SEMA6D: variants seen among roughly 807,000 people sequenced by gnomAD.
SEMA6D encodes the protein semaphorin 6D.
In SEMA6D, 35 loss-of-function variants were observed where a neutral mutation model predicts 106.6. The ratio of observed to expected loss-of-function variants is 0.33; its 90% CI spans 0.25 to 0.44. SEMA6D has a LOEUF of 0.44. Ranked by LOEUF, SEMA6D falls within the 20% of genes least tolerant of loss-of-function variation. SEMA6D has a pLI of 1.00. For synonymous variants in SEMA6D, 499 were observed against 487.7 expected (o/e 1.02, Z -0.31); for missense variants, 1,185 against 1,345.9 (o/e 0.88, Z 1.87).
intron 1 of SEMA6D, among the ~76,000 whole-genome samples, chr15:47,323,341 G>A (rs994288116): frequency 7.2e-5 from 11 of 152,128 alleles, no homozygotes; most frequent in Middle Eastern, 3.2e-3. Flanking sequence ...CGTGAACACC[G>A]GAGAATGAGT....
chr15:47,604,524 C>G (rs2076734646), intron 4 of SEMA6D, among the ~76,000 whole-genome samples: 2 of 152,164 alleles, frequency 1.3e-5, no homozygotes, highest in Non-Finnish European at 2.9e-5. Context: ...CGTCTTGAAA[C>G]TTGAAACTTT....
intron 4 of SEMA6D, among the ~76,000 whole-genome samples, chr15:47,709,084 A>G (rs1190263310): frequency 6.6e-6 from 1 of 152,150 alleles, no homozygotes; most frequent in Non-Finnish European, 1.5e-5. Flanking sequence ...GGTTGAACCA[A>G]TGAAGAGCAC....
intron 2 of SEMA6D, among the ~76,000 whole-genome samples, chr15:47,435,787 C>T (rs2041682291): frequency 6.6e-6 from 1 of 151,906 alleles, no homozygotes; most frequent in South Asian, 2.1e-4. Context: ...CCACTAAGAC[C>T]CTATAGTCAT....
intron 4 of SEMA6D, among the ~76,000 whole-genome samples, chr15:47,635,345 G>A (rs1164329335): frequency 6.6e-6 from 1 of 152,176 alleles, no homozygotes; most frequent in Non-Finnish European, 1.5e-5. Flanking sequence ...CAACACAGAA[G>A]AATGTTGTCT....
intron 16 of SEMA6D, among the ~76,000 whole-genome samples, 153 bp from the exon 17 acceptor site, chr15:47,766,884 T>C (rs879647636): frequency 6.6e-5 from 10 of 152,120 alleles, no homozygotes; most frequent in Non-Finnish European, 1.0e-4. Flanking sequence ...TACAATTTTG[T>C]AGGAAATCTA....
intron 4 of SEMA6D, among the ~76,000 whole-genome samples, chr15:47,695,553 A>G (rs1299883850): frequency 6.6e-6 from 1 of 152,048 alleles, no homozygotes; most frequent in Admixed American, 6.6e-5. Flanking sequence ...CACAACACAC[A>G]CAAATTTATG....
At chr15:47,253,553 G>A (rs1292490193) in intron 1 of SEMA6D, among the ~76,000 whole-genome samples, 3 of 152,116 alleles carry the variant, frequency 2.0e-5, no homozygotes, top group Non-Finnish European at 4.4e-5. Flanking sequence ...AGAAATAAGG[G>A]TCTAGTTTCC....
At chr15:47,284,001 G>A (rs16959142) in intron 1 of SEMA6D, among the ~76,000 whole-genome samples, 2,606 of 151,970 alleles carry the variant, frequency 0.017, 47 homozygotes, top group African/African-American at 0.02. Context: ...TCCTTTTTCT[G>A]TCATCACCTC....
rs114457630 is a variant in SEMA6D, at chr15:47,404,519, C to T, written c.-238-7874C>T. Among the ~76,000 whole-genome samples the T allele has an allele frequency of 5.5e-3, 830 of 152,238 alleles. 5 individuals carry two copies. The highest frequency in any genetic ancestry group is 0.019 in the African/African-American group (798 of 41,540). ...CTGAGCTCTTTGTAGCACAGACCAC[C>T]ACCTCTCTCTAAGACCTTTAATGCT... On this transcript the variant is annotated intron_variant, in intron 1 of 19. Transcript: ENST00000558014.
At chr15:47,316,682 G>T (rs2036696795) in intron 1 of SEMA6D, among the ~76,000 whole-genome samples, 1 of 146,136 alleles carries the variant, frequency 6.8e-6, no homozygotes, top group African/African-American at 2.6e-5. Flanking sequence ...TATGGTCATT[G>T]ATTTCTTTTT....
In SEMA6D at chr15:47,768,596, C is replaced by T; in HGVS notation, c.1781C>T (p.Ser594Leu). ...GGPTSDMEVS[S>L]SSVTTMASIP... The stretch of plus-strand genomic sequence containing the variant: ...GCCACCACAGACATGGAGGTATCTT[C>T]ATCTTCTGTTACCACAATGGCAAGT... Residue 594 changes from serine (S) to leucine (L), a missense_variant, in exon 18 of 19, where the codon TCA becomes TTA. Coordinates refer to ENST00000536845, the MANE Select transcript of SEMA6D (RefSeq NM_001358351.3). 1 of 1,611,284 alleles carries T rather than the reference C, an allele frequency of 6.2e-7. No individual in the cohort carries two copies. Among genetic ancestry groups the T allele is most frequent in the Non-Finnish European group, 8.5e-7 (1 of 1,178,164 alleles).
chr15:47,380,250 T>A (rs1209347274), intron 1 of SEMA6D, among the ~76,000 whole-genome samples: 1 of 152,220 alleles, frequency 6.6e-6, no homozygotes, highest in East Asian at 1.9e-4. Flanking sequence ...ATTTTCAACA[T>A]AATGCCAGAA....
chr15:47,219,727 C>T (rs900035159), intron 1 of SEMA6D, among the ~76,000 whole-genome samples: 12 of 152,168 alleles, frequency 7.9e-5, no homozygotes, highest in Non-Finnish European at 1.0e-4. Context: ...TAACAAACCA[C>T]CCTCAAAAGC....
intron 4 of SEMA6D, among the ~76,000 whole-genome samples, chr15:47,629,206 G>A (rs2077253457): frequency 6.6e-6 from 1 of 151,968 alleles, no homozygotes. Context: ...GTTGGAGATG[G>A]TGACTCTTTC....
intron 1 of SEMA6D, among the ~76,000 whole-genome samples, chr15:47,335,618 G>A (rs950547948): frequency 7.2e-5 from 11 of 152,178 alleles, no homozygotes; most frequent in African/African-American, 2.4e-4. Flanking sequence ...TTCTACATGG[G>A]TGCCCCACAC....
At position 47,739,926 on chromosome 15, in the gene SEMA6D, G is replaced by A. The variant is rs560696993; in HGVS notation, c.-54-19819G>A. ...TTATTTGCATAAGTTTAAGTTTTCCGTATATTAAGTCTACAACCCTGGAAA... is the reference window on the plus strand; with the variant it reads ...TTATTTGCATAAGTTTAAGTTTTCCATATATTAAGTCTACAACCCTGGAAA... On this transcript the variant is annotated intron_variant, in intron 1 of 18. Coordinates refer to ENST00000536845, the MANE Select transcript of SEMA6D (RefSeq NM_001358351.3). 1.1e-4 allele frequency among the ~76,000 whole-genome samples: 16 copies of A among 152,274 alleles called. No homozygotes were observed. The South Asian group carries it at 3.1e-3, about 30-fold the overall frequency.
chr15:47,361,766 A>C, intron 1 of SEMA6D, among the ~76,000 whole-genome samples: 1 of 151,548 alleles, frequency 6.6e-6, no homozygotes, highest in Admixed American at 6.6e-5. Flanking sequence ...CCTTCACTCC[A>C]CTCAGCCTCT....
chr15:47,570,461 T>C (rs2046351694), intron 3 of SEMA6D, among the ~76,000 whole-genome samples: 2 of 152,262 alleles, frequency 1.3e-5, no homozygotes, highest in Admixed American at 6.5e-5. Flanking sequence ...ATGTCACAAT[T>C]GGTGAAACTT....
At chr15:47,260,069 A>G (rs996909004) in intron 1 of SEMA6D, among the ~76,000 whole-genome samples, 1 of 150,926 alleles carries the variant, frequency 6.6e-6, no homozygotes, top group Non-Finnish European at 1.5e-5. Flanking sequence ...TATAAAATTT[A>G]TATTTCTTTG....
Sources: gnomAD v4.1 joint callset for allele counts (sites outside exome capture counted in the v4.1 genomes callset) on GRCh38, gnomAD v4.1.1 for gene constraint, MANE v1.5 for transcripts, NCBI Gene and HGNC (gene_info 2026-07-23, HGNC 2026-07-21) for gene names.